TM9SF4: variants seen among roughly 807,000 people sequenced by gnomAD.
TM9SF4 encodes dinucleotide oxidase disulfide thiol exchanger 3 superfamily member 4.
A neutral mutation model predicts 90.4 loss-of-function variants in TM9SF4; 26 were observed. The ratio of observed to expected loss-of-function variants is 0.29; its 90% CI spans 0.21 to 0.40. The LOEUF (loss-of-function observed/expected upper bound fraction) is 0.40, where lower values mean the gene tolerates loss of function less well. Ranked by LOEUF, TM9SF4 falls within the 10% of genes least tolerant of loss-of-function variation. The probability of loss-of-function intolerance (pLI) is 1.00; values close to 1 mark genes in which losing one functional copy is unlikely to be tolerated. For missense variants in TM9SF4, 549 were observed against 834.8 expected, an observed-to-expected ratio of 0.66 and a Z score of 4.22; for synonymous variants, 293 against 315.4, an observed-to-expected ratio of 0.93 and a Z score of 0.75.
At chr20:32,147,629 G>A (rs1156482444) in intron 9 of TM9SF4, among the ~76,000 whole-genome samples, 2 of 152,194 alleles carry the variant, frequency 1.3e-5, no homozygotes, top group Non-Finnish European at 2.9e-5. Flanking sequence ...AAGGCAGGTG[G>A]ATCACTTGAG....
At chr20:32,144,502 G>T (rs1170201662) in intron 6 of TM9SF4, among the ~76,000 whole-genome samples, 1 of 152,172 alleles carries the variant, frequency 6.6e-6, no homozygotes, top group East Asian at 1.9e-4. Context: ...TTGAGTGAAG[G>T]AACACTGACT....
chr20:32,128,750 CATG>C (rs2046461122), intron 1 of TM9SF4, among the ~76,000 whole-genome samples: 2 of 150,750 alleles, frequency 1.3e-5, no homozygotes, highest in South Asian at 4.2e-4. Context: ...CTGCAAAAGA[CATG>C]ATTTTATTCT....
chr20:32,128,700 G>A (rs1295911151), intron 1 of TM9SF4, among the ~76,000 whole-genome samples: 1 of 151,900 alleles, frequency 6.6e-6, no homozygotes, highest in Non-Finnish European at 1.5e-5. Context: ...TTTCTGAGTT[G>A]TTTCACGTAA....
rs1484887245 is a variant in TM9SF4, at chr20:32,136,120, A to T, written c.176A>T (p.Tyr59Phe). The T allele has an allele frequency of 6.2e-7, 1 of 1,614,050 alleles. No individual in the cohort carries two copies. Among genetic ancestry groups the T allele is most frequent in the African/African-American group, 1.3e-5 (1 of 74,914 alleles). ...SSRTQLPYEYYSLPFCQPSKI... is the reference protein window; with the variant it reads ...SSRTQLPYEYFSLPFCQPSKI... Reference sequence around the variant, plus strand: ...CGAACCCAGCTACCTTATGAATACTATTCACTGCCCTTCTGCCAGCCCAGC... The same window carrying T: ...CGAACCCAGCTACCTTATGAATACTTTTCACTGCCCTTCTGCCAGCCCAGC... Residue 59 changes from tyrosine (Y) to phenylalanine (F), a missense_variant, in exon 3 of 18, where the codon TAT (tyrosine) becomes TTT (phenylalanine). Tyr to Phe is a conservative substitution (Grantham distance 22). Around this residue, in one of 2 missense-constraint regions of TM9SF4, gnomAD observed 495 missense variants for 711.7 expected, o/e 0.70. Coordinates refer to ENST00000398022, the MANE Select transcript of TM9SF4 (RefSeq NM_014742.4).
intron 1 of TM9SF4, among the ~76,000 whole-genome samples, chr20:32,125,170 C>T (rs1402268568): frequency 6.6e-6 from 1 of 152,052 alleles, no homozygotes; most frequent in Non-Finnish European, 1.5e-5. Flanking sequence ...ACTGCATCTC[C>T]CTTGCAGTGT....
At chr20:32,159,932 G>A (rs925200150) in intron 15 of TM9SF4, 60 bp from the exon 16 acceptor site, 2 of 1,609,050 alleles carry the variant, frequency 1.2e-6, no homozygotes, top group African/African-American at 1.3e-5. Flanking sequence ...ACAGGTTGGT[G>A]TGCCAGGGGA....
At chr20:32,111,251 A>G (rs940847461) in intron 1 of TM9SF4, among the ~76,000 whole-genome samples, 1 of 152,234 alleles carries the variant, frequency 6.6e-6, no homozygotes, top group African/African-American at 2.4e-5. Context: ...TGAAACCTAC[A>G]TATATGTATA....
At chr20:32,130,554 A>T (rs1390869885) in intron 1 of TM9SF4, among the ~76,000 whole-genome samples, 2 of 152,232 alleles carry the variant, frequency 1.3e-5, no homozygotes, top group East Asian at 3.8e-4. Flanking sequence ...GAATCTTCAG[A>T]TGCCTAGTCA....
In TM9SF4 at chr20:32,166,296, GTGTC is replaced by G. The variant is rs1315241404; in HGVS notation, c.*855_*858del. The G allele has an allele frequency of 6.5e-6, 1 of 152,878 alleles. No individual in the cohort carries two copies. The highest frequency in any genetic ancestry group is 1.5e-5 in the Non-Finnish European group (1 of 68,196). 9.5% of individuals were successfully genotyped at this position (152,878 alleles called of 1,614,324 possible). A position where few individuals can be genotyped will look rare whatever the true frequency, so the allele number is the denominator to read the frequency against. On this transcript the variant is annotated 3_prime_UTR_variant, in exon 18 of 18. Transcript: ENST00000398022. ...TCCCAAGCCAAGCATCCACTTGTCT[GTGTC>G]TGGGAAGGGATGGCCAAGGCCGCTA...
At position 32,158,302 on chromosome 20, in the gene TM9SF4, CAA is replaced by C. The variant is rs1243817605; in HGVS notation, c.1506-148_1506-147del. Reference sequence around the variant, plus strand: ...AATAATGCCCACCCTGCCTACCTCTCAAGAGATTATAATAGTACAGAAATATG... The same window carrying C: ...AATAATGCCCACCCTGCCTACCTCTCGAGATTATAATAGTACAGAAATATG... On this transcript the variant is annotated intron_variant, in intron 14 of 17. Transcript: ENST00000398022. The C allele has an allele frequency of 2.3e-5, 19 of 836,464 alleles. No individual in the cohort carries two copies. The South Asian group carries it at 2.6e-4, about 11-fold the overall frequency. The allele number at this position is 836,464 out of a possible 1,614,324, so 51.8% of individuals were successfully genotyped here.
chr20:32,111,661 A>C (rs1374093120), intron 1 of TM9SF4, among the ~76,000 whole-genome samples: 1 of 152,246 alleles, frequency 6.6e-6, no homozygotes, highest in African/African-American at 2.4e-5. Flanking sequence ...GGGTGACACA[A>C]CTACTTTGGA....
chr20:32,142,302 A>G (rs2046693371), intron 5 of TM9SF4, among the ~76,000 whole-genome samples: 1 of 152,154 alleles, frequency 6.6e-6, no homozygotes, highest in Non-Finnish European at 1.5e-5. Flanking sequence ...GTGGCGGGGT[A>G]AATTAGCACA....
At chr20:32,145,484 C>A in intron 8 of TM9SF4, 61 bp downstream of exon 8, 1 of 1,456,496 alleles carries the variant, frequency 6.9e-7, no homozygotes, top group Non-Finnish European at 9.6e-7. Context: ...ACTGAGACAT[C>A]ACATCATGTA....
chr20:32,133,441 C>T (rs2046549582), intron 2 of TM9SF4, among the ~76,000 whole-genome samples: 1 of 152,092 alleles, frequency 6.6e-6, no homozygotes, highest in Non-Finnish European at 1.5e-5. Flanking sequence ...TGTCTTACTC[C>T]ACCTGCCTCT....
chr20:32,119,775 T>G (rs2046277981), intron 1 of TM9SF4, among the ~76,000 whole-genome samples: 1 of 152,150 alleles, frequency 6.6e-6, no homozygotes, highest in Non-Finnish European at 1.5e-5. Context: ...TTCTTATTTT[T>G]TCCGTATAGA....
chr20:32,155,047 G>A (rs1569102004), intron 12 of TM9SF4, 56 bp from the exon 13 acceptor site: 5 of 1,475,660 alleles, frequency 3.4e-6, no homozygotes, highest in Non-Finnish European at 4.7e-6. Context: ...GCCCCACCGG[G>A]ACAGGTAGGG....
chr20:32,134,849 T>A (rs1200894361), intron 2 of TM9SF4, among the ~76,000 whole-genome samples: 1 of 152,084 alleles, frequency 6.6e-6, no homozygotes. Context: ...ATTTTTGCAT[T>A]TTTAGTAGAG....
intron 12 of TM9SF4, among the ~76,000 whole-genome samples, chr20:32,151,494 G>A (rs1374314600): frequency 6.6e-6 from 1 of 152,168 alleles, no homozygotes; most frequent in African/African-American, 2.4e-5. Flanking sequence ...CACACTCAGA[G>A]AAGTCTCTGG....
At chr20:32,153,905 T>C (rs937544722) in intron 12 of TM9SF4, among the ~76,000 whole-genome samples, 1 of 152,242 alleles carries the variant, frequency 6.6e-6, no homozygotes, top group Non-Finnish European at 1.5e-5. Context: ...TTTATACCTC[T>C]GCTGTACCTT....
Sources: allele counts gnomAD v4.1 joint callset (sites outside exome capture counted in the v4.1 genomes callset), GRCh38; gene constraint gnomAD v4.1.1; regional missense constraint gnomAD v4.1.1; transcripts MANE v1.5; gene names NCBI Gene and HGNC (gene_info 2026-07-23, HGNC 2026-07-21).